The following DLG2 variants were observed in gnomAD, a reference collection of about 807,000 sequenced individuals.
The protein encoded by DLG2 is disks large homolog 2.
Under a neutral mutation model 132.5 loss-of-function variants are expected in DLG2, and 45 were observed. The observed-to-expected ratio is 0.34, with a 90% CI of 0.27 to 0.44. The LOEUF is 0.44. Among genes scored for constraint, DLG2 ranks in the 20% least tolerant of loss-of-function variants. The probability of loss-of-function intolerance (pLI) is 1.00; values close to 1 mark genes in which losing one functional copy is unlikely to be tolerated. For synonymous variants in DLG2, 424 were observed against 419.6 expected, an observed-to-expected ratio of 1.01 and a Z score of -0.13; for missense variants, 1,045 against 1,196.9, an observed-to-expected ratio of 0.87 and a Z score of 1.87.
chr11:83,681,610 G>A (rs1444930366), intron 18 of DLG2, among the ~76,000 whole-genome samples: 4 of 152,038 alleles, frequency 2.6e-5, no homozygotes, highest in Admixed American at 6.6e-5. Context: ...CCGGCAAAAC[G>A]CAGGACTACC....
chr11:84,376,958 C>T (rs2098731829), intron 7 of DLG2, among the ~76,000 whole-genome samples: 1 of 151,882 alleles, frequency 6.6e-6, no homozygotes, highest in Non-Finnish European at 1.5e-5. Flanking sequence ...AGGCAACAAT[C>T]ATCAATAGAT....
At chr11:84,609,073 A>G in intron 6 of DLG2, among the ~76,000 whole-genome samples, 1 of 152,154 alleles carries the variant, frequency 6.6e-6, no homozygotes, top group Middle Eastern at 3.2e-3. Flanking sequence ...ATGTTACTAC[A>G]TATAGTAAGA....
chr11:84,586,529 T>A (rs1316773886), intron 6 of DLG2, among the ~76,000 whole-genome samples: 1 of 152,214 alleles, frequency 6.6e-6, no homozygotes, highest in Non-Finnish European at 1.5e-5. Context: ...TCTCATCAAA[T>A]GGCATATTAG....
intron 3 of DLG2, among the ~76,000 whole-genome samples, chr11:85,488,357 C>T (rs1268817245): frequency 6.6e-6 from 1 of 151,824 alleles, no homozygotes; most frequent in Non-Finnish European, 1.5e-5. Flanking sequence ...CCACTGCACT[C>T]CAGCCTAGGT....
chr11:85,500,596 T>A (rs1036592031), intron 3 of DLG2, among the ~76,000 whole-genome samples: 4 of 150,224 alleles, frequency 2.7e-5, no homozygotes, highest in African/African-American at 9.7e-5. Flanking sequence ...AAAATCAAAG[T>A]GTAAAATCAC....
chr11:85,471,657 G>C (rs1378290764), intron 3 of DLG2, among the ~76,000 whole-genome samples: 1 of 152,102 alleles, frequency 6.6e-6, no homozygotes, highest in Admixed American at 6.6e-5. Context: ...ACAATACAAA[G>C]AGATAGAGAT....
chr11:85,140,608 T>C (rs903672263), intron 5 of DLG2, among the ~76,000 whole-genome samples: 2 of 151,806 alleles, frequency 1.3e-5, no homozygotes, highest in African/African-American at 4.8e-5. Flanking sequence ...CTTAGTTTTT[T>C]GATATATACA....
chr11:84,059,744 A>C (rs757148970), intron 10 of DLG2, among the ~76,000 whole-genome samples: 1 of 152,242 alleles, frequency 6.6e-6, no homozygotes, highest in Admixed American at 6.5e-5. Flanking sequence ...TTTGACTGGG[A>C]CTGCTTACAC....
rs1595126762 is a variant in DLG2, at chr11:83,833,643, C to T, written c.1693G>A (p.Glu565Lys). Residue 565 changes from glutamate to lysine, a missense_variant, in exon 17 of 28, where the codon GAG (glutamate) becomes AAG (lysine). By Grantham distance (56) the Glu-to-Lys change is moderately conservative (BLOSUM62 1). Coordinates refer to ENST00000376104, the MANE Select transcript of DLG2 (RefSeq NM_001142699.3). ...LAGGPADLSGELQRGDQILSV... is the reference protein window; with the variant it reads ...LAGGPADLSGKLQRGDQILSV... ...AGGATCTGGTCTCCTCTCTGGAGCTCCCCACTTAGGTCTGCTGGTCCACCA... is the reference window on the plus strand; with the variant it reads ...AGGATCTGGTCTCCTCTCTGGAGCTTCCCACTTAGGTCTGCTGGTCCACCA... 1.9e-6 allele frequency: 3 copies of T among 1,613,974 alleles called. No homozygotes were observed. Among genetic ancestry groups the T allele is most frequent in the African/African-American group, 1.3e-5 (1 of 75,002 alleles).
chr11:85,014,651 C>T (rs2059419665), intron 6 of DLG2, among the ~76,000 whole-genome samples: 1 of 152,108 alleles, frequency 6.6e-6, no homozygotes, highest in Non-Finnish European at 1.5e-5. Context: ...GGTTTTAACC[C>T]TCCAGAAGAA....
chr11:84,137,212 C>G (rs751743540), intron 9 of DLG2, among the ~76,000 whole-genome samples: 33 of 152,240 alleles, frequency 2.2e-4, no homozygotes, highest in Non-Finnish European at 2.9e-4. Context: ...GAAGGCTCAA[C>G]TTTCTCTTGA....
intron 7 of DLG2, among the ~76,000 whole-genome samples, chr11:84,508,306 G>A (rs1486098937): frequency 6.6e-6 from 1 of 151,376 alleles, no homozygotes; most frequent in Non-Finnish European, 1.5e-5. Flanking sequence ...TTTATTACCT[G>A]TTGTCTTTCA....
chr11:85,427,373 A>G (rs753979143), intron 3 of DLG2, among the ~76,000 whole-genome samples: 10 of 152,364 alleles, frequency 6.6e-5, no homozygotes, highest in African/African-American at 2.4e-4. Context: ...GGGCAGCCAG[A>G]GAGAAAGGTC....
intron 10 of DLG2, among the ~76,000 whole-genome samples, chr11:84,060,041 A>T (rs6592159): frequency 6.6e-6 from 1 of 151,652 alleles, no homozygotes; most frequent in Admixed American, 6.6e-5. Flanking sequence ...GGTTGGGCGC[A>T]GTGGCTCATG....
At chr11:84,860,945 T>C (rs373742010) in intron 6 of DLG2, among the ~76,000 whole-genome samples, 1 of 152,044 alleles carries the variant, frequency 6.6e-6, no homozygotes, top group Non-Finnish European at 1.5e-5. Flanking sequence ...CATGCACTTA[T>C]TTTTTTATCC....
At chr11:85,334,531 A>T (rs368417270) in intron 3 of DLG2, among the ~76,000 whole-genome samples, 2 of 152,170 alleles carry the variant, frequency 1.3e-5, no homozygotes, top group South Asian at 4.2e-4. Flanking sequence ...TAGATTCTCA[A>T]TTTGAGACCT....
intron 2 of DLG2, among the ~76,000 whole-genome samples, chr11:85,600,581 A>C (rs1470672460): frequency 6.6e-6 from 1 of 152,238 alleles, no homozygotes; most frequent in Non-Finnish European, 1.5e-5. Context: ...GTTGATTCTC[A>C]ATAATATTTT....
intron 2 of DLG2, among the ~76,000 whole-genome samples, chr11:85,613,818 T>C (rs1198135379): frequency 6.6e-6 from 1 of 152,206 alleles, no homozygotes; most frequent in Non-Finnish European, 1.5e-5. Flanking sequence ...TCTTTCGCTC[T>C]TTGCAATAAA....
intron 19 of DLG2, among the ~76,000 whole-genome samples, chr11:83,546,843 T>C (rs2096254446): frequency 6.6e-6 from 1 of 152,136 alleles, no homozygotes; most frequent in African/African-American, 2.4e-5. Flanking sequence ...CATTCAATTC[T>C]CACAGCTATC....
Sources: gnomAD v4.1 joint callset for allele counts (sites outside exome capture counted in the v4.1 genomes callset) on GRCh38, gnomAD v4.1.1 for gene constraint, MANE v1.5 for transcripts, NCBI Gene and HGNC (gene_info 2026-07-23, HGNC 2026-07-21) for gene names.